NPTN: variants seen among roughly 807,000 people sequenced by gnomAD.
The protein encoded by NPTN is SDR-1.
A neutral mutation model predicts 42.7 loss-of-function variants in NPTN; 5 were observed. The observed-to-expected ratio is 0.12, with a 90% confidence interval of 0.06 to 0.25. The LOEUF (loss-of-function observed/expected upper bound fraction) is 0.25, where lower values mean the gene tolerates loss of function less well. Among genes scored for constraint, NPTN ranks in the 10% least tolerant of loss-of-function variants. NPTN has a pLI of 1.00. For synonymous variants in NPTN, 180 were observed against 201.9 expected (o/e 0.89, Z 0.92); for missense variants, 307 against 525.4 (o/e 0.58, Z 4.06).
At chr15:73,611,047 C>T (rs2141450940) in intron 1 of NPTN, among the ~76,000 whole-genome samples, 1 of 152,300 alleles carries the variant, frequency 6.6e-6, no homozygotes, top group Admixed American at 6.5e-5. Flanking sequence ...TGCAAACATT[C>T]CCACTACTTA....
intron 6 of NPTN, among the ~76,000 whole-genome samples, chr15:73,565,381 A>C (rs964922617): frequency 5.9e-5 from 9 of 152,266 alleles, no homozygotes; most frequent in Non-Finnish European, 1.0e-4. Context: ...AAAGATACAG[A>C]AACCAAAGTA....
chr15:73,632,147 C>G (rs1409063731), intron 1 of NPTN, among the ~76,000 whole-genome samples: 1 of 152,128 alleles, frequency 6.6e-6, no homozygotes, highest in East Asian at 1.9e-4. Flanking sequence ...CAATATCATA[C>G]AGCATTTGCC....
intron 1 of NPTN, among the ~76,000 whole-genome samples, chr15:73,628,972 C>G (rs1898582423): frequency 1.3e-5 from 2 of 152,188 alleles, no homozygotes; most frequent in South Asian, 2.1e-4. Flanking sequence ...TGAATTCCAA[C>G]CTCACATCTA....
chr15:73,571,922 T>TA (rs1895418799), intron 5 of NPTN, among the ~76,000 whole-genome samples: 1 of 152,196 alleles, frequency 6.6e-6, no homozygotes. Flanking sequence ...TTAAAACACA[T>TA]ACTGCGTTAA....
intron 1 of NPTN, among the ~76,000 whole-genome samples, chr15:73,628,326 G>T (rs1898537174): frequency 6.6e-6 from 1 of 152,110 alleles, no homozygotes; most frequent in Admixed American, 6.5e-5. Flanking sequence ...TACTACTGCA[G>T]CCTTTCTTCT....
At chr15:73,563,132 C>T in intron 7 of NPTN, 104 bp downstream of exon 7, 2 of 829,770 alleles carry the variant, frequency 2.4e-6, no homozygotes, top group Non-Finnish European at 4.1e-6. Flanking sequence ...TTCATTTCCA[C>T]TCACTGTCTT....
intron 6 of NPTN, chr15:73,567,019 TTTTTA>T: frequency 2.1e-6 from 2 of 974,312 alleles, no homozygotes; most frequent in Non-Finnish European, 2.4e-6. Flanking sequence ...TTTTTTTTTT[TTTTTA>T]AAGGAAGCAG....
chr15:73,600,747 A>G (rs1897046821), intron 1 of NPTN, among the ~76,000 whole-genome samples: 1 of 152,174 alleles, frequency 6.6e-6, no homozygotes, highest in Non-Finnish European at 1.5e-5. Context: ...CCTTTGACCA[A>G]TTGTGCAACA....
chr15:73,575,741 T>C (rs1895659601), intron 4 of NPTN, among the ~76,000 whole-genome samples: 1 of 152,196 alleles, frequency 6.6e-6, no homozygotes, highest in Non-Finnish European at 1.5e-5. Context: ...TGCAAAGTCC[T>C]ACTAGTCACA....
At chr15:73,605,260 GA>G (rs908033244) in intron 1 of NPTN, among the ~76,000 whole-genome samples, 71 of 151,772 alleles carry the variant, frequency 4.7e-4, no homozygotes, top group African/African-American at 1.7e-3. Context: ...TTTTCCAAAA[GA>G]AAAAAGCACT....
intron 6 of NPTN, among the ~76,000 whole-genome samples, chr15:73,566,719 T>C (rs1223536886): frequency 6.6e-6 from 1 of 152,216 alleles, no homozygotes; most frequent in Non-Finnish European, 1.5e-5. Context: ...GGCTGCTAGC[T>C]TGACCTGGTC....
At chr15:73,612,975 C>G (rs1269315259) in intron 1 of NPTN, among the ~76,000 whole-genome samples, 2 of 152,100 alleles carry the variant, frequency 1.3e-5, no homozygotes, top group Non-Finnish European at 2.9e-5. Flanking sequence ...TCATCTAAAC[C>G]TGAATCCTTC....
At chr15:73,619,740 A>C (rs2141467088) in intron 1 of NPTN, among the ~76,000 whole-genome samples, 2 of 152,356 alleles carry the variant, frequency 1.3e-5, no homozygotes, top group Middle Eastern at 6.8e-3. Context: ...GTTAAAAATA[A>C]GAAGGGACTA....
chr15:73,564,096 C>T (rs975446886), intron 6 of NPTN, among the ~76,000 whole-genome samples: 10 of 152,268 alleles, frequency 6.6e-5, no homozygotes, highest in Admixed American at 4.6e-4. Context: ...ATAAGTCTTT[C>T]GTGTTTCAAC....
At position 73,597,471 on chromosome 15, in the gene NPTN, C is replaced by T; in HGVS notation, c.92-102G>A. Reference sequence around the variant, plus strand: ...ATTTAAAGAAAAGAAAAGAAAAAAGCAAATGAGTTGCAAAGAACAAAAAAG... The same window carrying T: ...ATTTAAAGAAAAGAAAAGAAAAAAGTAAATGAGTTGCAAAGAACAAAAAAG... On this transcript the variant is annotated intron_variant, in intron 1 of 8. Coordinates refer to ENST00000345330, the MANE Select transcript of NPTN (RefSeq NM_012428.4). This position sits in a 1 kb window ranked among gnomAD's most constrained non-coding sequence, Gnocchi z 6.3. 1.1e-6 allele frequency: 1 copy of T among 899,096 alleles called. No homozygotes were observed. The highest frequency in any genetic ancestry group is 2.9e-5 in the Admixed American group (1 of 34,602). 55.7% of individuals were successfully genotyped at this position (899,096 alleles called of 1,614,324 possible). A position where few individuals can be genotyped will look rare whatever the true frequency, so the allele number is the denominator to read the frequency against.
chr15:73,590,364 G>A (rs1410046416), intron 3 of NPTN, among the ~76,000 whole-genome samples: 3 of 152,092 alleles, frequency 2.0e-5, no homozygotes, highest in African/African-American at 7.2e-5. Context: ...TATAAAGTCA[G>A]GCTGAAACTT....
chr15:73,561,901 A>T lies in NPTN; in HGVS notation c.*9T>A. The T allele has an allele frequency of 6.2e-7, 1 of 1,600,360 alleles. No individual in the cohort carries two copies. Among genetic ancestry groups the T allele is most frequent in the Non-Finnish European group, 8.5e-7 (1 of 1,173,274 alleles). On this transcript the variant is annotated 3_prime_UTR_variant, in exon 8 of 9. Coordinates refer to ENST00000345330, the MANE Select transcript of NPTN (RefSeq NM_012428.4). The stretch of plus-strand genomic sequence containing the variant: ...CTACAGAAGGCCATACTTACATTGT[A>T]AGCAGTACTTAATTTGTGTTTCTCT...
intron 1 of NPTN, among the ~76,000 whole-genome samples, chr15:73,601,802 A>G (rs1897095193): frequency 1.3e-5 from 2 of 152,244 alleles, no homozygotes; most frequent in Admixed American, 1.3e-4. Context: ...AAAGAGGGAA[A>G]CTGAACAGTG....
intron 1 of NPTN, among the ~76,000 whole-genome samples, chr15:73,615,241 T>A (rs1307187054): frequency 6.6e-6 from 1 of 151,942 alleles, no homozygotes; most frequent in Non-Finnish European, 1.5e-5. Context: ...TTTTAACTAT[T>A]CTTAAAAAAT....
Sources: gnomAD v4.1 joint callset for allele counts (sites outside exome capture counted in the v4.1 genomes callset) on GRCh38, gnomAD v4.1.1 for gene constraint, Gnocchi (gnomAD v3.1) non-coding constraint, MANE v1.5 for transcripts, NCBI Gene and HGNC (gene_info 2026-07-23, HGNC 2026-07-21) for gene names.